Variants in MED12L observed in about 807,000 individuals in gnomAD.
MED12L encodes the protein mediator of RNA polymerase II transcription subunit 12-like protein.
A neutral mutation model predicts 281.3 loss-of-function variants in MED12L; 60 were observed. The observed-to-expected ratio is 0.21, with a 90% confidence interval of 0.17 to 0.26. The LOEUF is 0.26. Among genes scored for constraint, MED12L ranks in the 10% least tolerant of loss-of-function variants. MED12L has a pLI of 1.00. For synonymous variants in MED12L, 974 were observed against 987.2 expected, an observed-to-expected ratio of 0.99 and a Z score of 0.25; for missense variants, 2,146 against 2,680.9, an observed-to-expected ratio of 0.80 and a Z score of 4.41.
intron 25 of MED12L, among the ~76,000 whole-genome samples, chr3:151,368,562 T>G (rs746574005): frequency 6.6e-6 from 1 of 151,854 alleles, no homozygotes; most frequent in Admixed American, 6.6e-5. Context: ...CTGAACCACA[T>G]CACAGCAGCT....
intron 16 of MED12L, among the ~76,000 whole-genome samples, chr3:151,254,257 G>T (rs1737397864): frequency 1.3e-5 from 2 of 152,102 alleles, no homozygotes; most frequent in African/African-American, 4.8e-5. Context: ...AGCTCACTGT[G>T]CACGTTTCCC....
At chr3:151,176,541 C>G (rs930124097) in intron 11 of MED12L, among the ~76,000 whole-genome samples, 11 of 143,932 alleles carry the variant, frequency 7.6e-5, no homozygotes, top group South Asian at 6.5e-4. Flanking sequence ...TAATATTGTT[C>G]ATCATTTTTT....
At chr3:151,401,221 A>G (rs1056351697) in intron 39 of MED12L, among the ~76,000 whole-genome samples, 1 of 151,468 alleles carries the variant, frequency 6.6e-6, no homozygotes, top group African/African-American at 2.4e-5. Context: ...CATTACGAAT[A>G]TTAATATGTT....
chr3:151,253,397 GCTTAGATCATGTTCATTTC>G (rs1737207855), intron 16 of MED12L, among the ~76,000 whole-genome samples: 1 of 152,156 alleles, frequency 6.6e-6, no homozygotes, highest in Non-Finnish European at 1.5e-5. Flanking sequence ...TTTTAATATG[GCTTAGATCATGTTCATTTC>G]CAAACACACC....
At chr3:151,200,306 T>C (rs1725360104) in intron 16 of MED12L, among the ~76,000 whole-genome samples, 1 of 152,220 alleles carries the variant, frequency 6.6e-6, no homozygotes, top group African/African-American at 2.4e-5. Context: ...ACTCACATGC[T>C]TAGAGCTAAG....
At chr3:151,389,857 A>G in intron 37 of MED12L, 122 bp from the exon 38 acceptor site, 1 of 895,110 alleles carries the variant, frequency 1.1e-6, no homozygotes, top group South Asian at 1.8e-5. Context: ...CTTCTCCTTT[A>G]TAAAAAACAG....
chr3:151,171,700 T>C (rs1009784623), intron 11 of MED12L, among the ~76,000 whole-genome samples: 2 of 152,200 alleles, frequency 1.3e-5, no homozygotes, highest in African/African-American at 4.8e-5. Context: ...AGGCCCTAAG[T>C]TTAGAAAATG....
At chr3:151,095,389 G>A (rs969296341) in intron 2 of MED12L, among the ~76,000 whole-genome samples, 1 of 152,170 alleles carries the variant, frequency 6.6e-6, no homozygotes, top group African/African-American at 2.4e-5. Context: ...CCAGGCTGGA[G>A]TGCAGTGGCA....
At chr3:151,411,585 T>C in intron 41 of MED12L, 78 bp downstream of exon 41, 1 of 1,264,520 alleles carries the variant, frequency 7.9e-7, no homozygotes. Context: ...TAGGGCATGG[T>C]ACTTTATCAT....
At chr3:151,200,359 C>T (rs1005668753) in intron 16 of MED12L, among the ~76,000 whole-genome samples, 1 of 152,092 alleles carries the variant, frequency 6.6e-6, no homozygotes, top group African/African-American at 2.4e-5. Context: ...TGGTGTGGGT[C>T]CCCCTTTTGC....
chr3:151,387,936 G>A lies in MED12L; in HGVS notation c.5215G>A (p.Glu1739Lys), dbSNP rs1306350123. The A allele has an allele frequency of 9.3e-6, 15 of 1,613,884 alleles. No individual in the cohort carries two copies. The highest frequency in any genetic ancestry group is 1.1e-5 in the Non-Finnish European group (13 of 1,179,976). The change falls in exon 37 of 45, where the codon GAG becomes AAG. Residue 1739 changes from glutamate to lysine, a missense_variant. By Grantham distance (56) the Glu-to-Lys change is moderately conservative. This residue lies in a region of MED12L where 496 missense variants were observed against 512.0 expected (regional missense o/e 0.97). Transcript: ENST00000687756. Reference sequence around the variant, plus strand: ...AGTGGACCGAAGAGTGATCAAGTACGAGGAGCAGCATCACCTCCTGCTGTA... The same window carrying A: ...AGTGGACCGAAGAGTGATCAAGTACAAGGAGCAGCATCACCTCCTGCTGTA... ...VRVDRRVIKYEEQHHLLLYHT... is the reference protein window; with the variant it reads ...VRVDRRVIKYKEQHHLLLYHT...
intron 16 of MED12L, among the ~76,000 whole-genome samples, chr3:151,227,258 A>G (rs1227962444): frequency 1.3e-5 from 2 of 152,346 alleles, no homozygotes; most frequent in African/African-American, 2.4e-5. Context: ...GCTGAATTGC[A>G]GATACCCAAG....
chr3:151,367,149 G>A (rs2107937369), intron 23 of MED12L, among the ~76,000 whole-genome samples: 1 of 151,982 alleles, frequency 6.6e-6, no homozygotes, highest in South Asian at 2.1e-4. Flanking sequence ...AGAGTCAATT[G>A]GAAACTTTCA....
chr3:151,158,834 A>T (rs1021073882), intron 7 of MED12L, 35 bp downstream of exon 7: 1 of 1,364,580 alleles, frequency 7.3e-7, no homozygotes, highest in Non-Finnish European at 1.0e-6. Context: ...AGTTGGTTTT[A>T]TGGGCAAGAA....
At chr3:151,230,032 C>T (rs576619462) in intron 16 of MED12L, among the ~76,000 whole-genome samples, 5 of 152,042 alleles carry the variant, frequency 3.3e-5, no homozygotes, top group South Asian at 2.1e-4. Flanking sequence ...TGCAGTGGTG[C>T]GATCTCAGCT....
intron 11 of MED12L, among the ~76,000 whole-genome samples, chr3:151,170,952 C>T (rs1329454924): frequency 1.3e-5 from 2 of 152,112 alleles, no homozygotes; most frequent in Non-Finnish European, 2.9e-5. Flanking sequence ...ATCCACTGTT[C>T]CCTGATCATC....
chr3:151,216,399 T>C (rs1001992461), intron 16 of MED12L, among the ~76,000 whole-genome samples: 2 of 152,174 alleles, frequency 1.3e-5, no homozygotes, highest in Non-Finnish European at 2.9e-5. Flanking sequence ...CATTTAAGCA[T>C]GACAAAGGGA....
chr3:151,185,950 CAT>C lies in MED12L; in HGVS notation c.1626+490_1626+491del, dbSNP rs201725418. Among the ~76,000 whole-genome samples, 607 of 152,292 alleles carry C rather than the reference CAT, an allele frequency of 4.0e-3. 3 individuals are homozygous for C. The highest frequency in any genetic ancestry group is 0.014 in the African/African-American group (579 of 41,544). On this transcript the variant is annotated intron_variant, in intron 12 of 44. Coordinates refer to ENST00000687756, the MANE Select transcript of MED12L (RefSeq NM_001393769.1). Reference sequence around the variant, plus strand: ...TATGCGTACACAAAACATACACACACATGTGCAATATACATGTGCACATGTGT... The same window carrying C: ...TATGCGTACACAAAACATACACACACGTGCAATATACATGTGCACATGTGT...
intron 42 of MED12L, among the ~76,000 whole-genome samples, 172 bp downstream of exon 42, chr3:151,413,467 T>G (rs1717184817): frequency 6.6e-6 from 1 of 152,218 alleles, no homozygotes; most frequent in Non-Finnish European, 1.5e-5. Flanking sequence ...TGGCAAGAAT[T>G]TTATTTTCTC....
Sources: gnomAD v4.1 joint callset for allele counts (sites outside exome capture counted in the v4.1 genomes callset) on GRCh38, gnomAD v4.1.1 for gene constraint, gnomAD v4.1.1 regional missense constraint, MANE v1.5 for transcripts, NCBI Gene and HGNC (gene_info 2026-07-23, HGNC 2026-07-21) for gene names.